Variants in STK3 observed in about 807,000 individuals in gnomAD.
The protein encoded by STK3 is serine/threonine-protein kinase 3.
A neutral mutation model predicts 58.0 loss-of-function variants in STK3; 41 were observed. The observed-to-expected ratio is 0.71, with a 90% confidence interval of 0.55 to 0.92. The LOEUF (loss-of-function observed/expected upper bound fraction) is 0.92. Among genes scored for constraint, STK3 ranks in the 40% least tolerant of loss-of-function variants. The pLI is 0.00. For missense variants in STK3, 479 were observed against 602.7 expected (o/e 0.79, Z 2.15); for synonymous variants, 170 against 191.0 (o/e 0.89, Z 0.91).
chr8:98,515,208 A>G (rs569882754), intron 10 of STK3, among the ~76,000 whole-genome samples: 2 of 152,210 alleles, frequency 1.3e-5, no homozygotes, highest in East Asian at 3.9e-4. Context: ...AACAAGTTTG[A>G]TAAGAGTTTT....
intron 7 of STK3, chr8:98,594,786 C>T (rs543531691): frequency 2.0e-5 from 3 of 152,216 alleles, no homozygotes; most frequent in South Asian, 4.1e-4. Context: ...TAACCCAAAT[C>T]GCAAAAGTCT....
At chr8:98,607,919 C>T (rs979913774) in intron 6 of STK3, among the ~76,000 whole-genome samples, 2 of 152,084 alleles carry the variant, frequency 1.3e-5, no homozygotes, top group African/African-American at 4.8e-5. Context: ...AGAAACTTTT[C>T]TGATTTTTCC....
At chr8:98,693,197 G>A (rs1824539107) in intron 6 of STK3, among the ~76,000 whole-genome samples, 1 of 152,046 alleles carries the variant, frequency 6.6e-6, no homozygotes, top group Admixed American at 6.6e-5. Context: ...AGGAGTTCGA[G>A]ACCAGACTGG....
chr8:98,917,824 A>G (rs1332911609), intron 1 of STK3, among the ~76,000 whole-genome samples: 1 of 152,178 alleles, frequency 6.6e-6, no homozygotes, highest in Non-Finnish European at 1.5e-5. Context: ...AACACCAAGA[A>G]CTGAGCTCAA....
intron 1 of STK3, among the ~76,000 whole-genome samples, chr8:98,806,944 G>A (rs1292921846): frequency 2.0e-5 from 3 of 152,078 alleles, no homozygotes; most frequent in Admixed American, 2.0e-4. Context: ...CACAAGGTCA[G>A]GAGATCGAAA....
At chr8:98,666,626 C>T (rs538455934) in intron 6 of STK3, among the ~76,000 whole-genome samples, 1 of 152,218 alleles carries the variant, frequency 6.6e-6, no homozygotes, top group African/African-American at 2.4e-5. Flanking sequence ...TTGGAGAACA[C>T]AGGAATAAAT....
chr8:98,515,918 T>C (rs369768584), intron 10 of STK3, among the ~76,000 whole-genome samples: 22 of 152,190 alleles, frequency 1.4e-4, no homozygotes, highest in Middle Eastern at 3.4e-3. Flanking sequence ...ATCTCCTGCA[T>C]TGTCAGGAAA....
Position 98,548,003 on chromosome 8 carries a change from A to G in STK3, c.1107T>C (p.Ser369=), listed in dbSNP as rs975181670. 4 of 1,603,628 alleles carry G rather than the reference A, an allele frequency of 2.5e-6. No individual in the cohort carries two copies. The highest frequency in any genetic ancestry group is 1.7e-4 in the Middle Eastern group (1 of 6,028). ...TTCCATCTTCTTCTTCCTCATCCTC[A>G]CTGTTTATCACCATGGTCCCCAAGT... ...ESDLGTMVIN[S]EDEEEEDGTM... Residue 369 remains serine (S), a synonymous_variant, in exon 9 of 11, where the codon AGT becomes AGC. Coordinates refer to ENST00000419617, the MANE Select transcript of STK3 (RefSeq NM_006281.4).
chr8:98,400,290 G>A (rs764567054), downstream of STK3, among the ~76,000 whole-genome samples: 1 of 152,180 alleles, frequency 6.6e-6, no homozygotes, highest in African/African-American at 2.4e-5. Flanking sequence ...CGTGAGCCCT[G>A]GACTCATTTA....
At chr8:98,613,068 A>G (rs1232007721) in intron 6 of STK3, among the ~76,000 whole-genome samples, 1 of 152,156 alleles carries the variant, frequency 6.6e-6, no homozygotes, top group Non-Finnish European at 1.5e-5. Flanking sequence ...GCACCAATAC[A>G]ATAGAGACTA....
chr8:98,379,377 G>A (rs895346306), intron 1 of STK3, among the ~76,000 whole-genome samples: 2 of 152,200 alleles, frequency 1.3e-5, no homozygotes, highest in Non-Finnish European at 2.9e-5. Flanking sequence ...TTATTAGCAC[G>A]TTTCTTTTCA....
chr8:98,867,353 C>T (rs1174407952), intron 3 of STK3, among the ~76,000 whole-genome samples: 2 of 152,192 alleles, frequency 1.3e-5, no homozygotes, highest in African/African-American at 4.8e-5. Flanking sequence ...GGCGGAGGTT[C>T]CAGTGAGCCG....
At chr8:98,923,828 C>CGTGTGTGTGTGTGTGT (rs55929161) in intron 1 of STK3, among the ~76,000 whole-genome samples, 149 of 144,344 alleles carry the variant, frequency 1.0e-3, no homozygotes, top group African/African-American at 3.6e-3. Flanking sequence ...TTTGCAAAAA[C>CGTGTGTGTGTGTGTGT]GTGTGTGTGT....
At chr8:98,814,043 C>T (rs561782754) in intron 1 of STK3, among the ~76,000 whole-genome samples, 7 of 152,192 alleles carry the variant, frequency 4.6e-5, no homozygotes, top group Admixed American at 3.9e-4. Context: ...GCAACTGAAT[C>T]TTTAATTGAT....
chr8:98,878,167 C>A (rs1837629837), intron 3 of STK3, among the ~76,000 whole-genome samples: 1 of 151,870 alleles, frequency 6.6e-6, no homozygotes, highest in East Asian at 1.9e-4. Context: ...ATTCTCGTGC[C>A]TCAGCCTCCT....
intron 3 of STK3, among the ~76,000 whole-genome samples, chr8:98,850,283 C>T (rs1836403661): frequency 6.6e-6 from 1 of 152,150 alleles, no homozygotes; most frequent in Admixed American, 6.5e-5. Context: ...AAGCAATCCT[C>T]CCTCCTCAGC....
At chr8:98,347,073 A>G in the STK3 span, among the ~76,000 whole-genome samples, 1 of 151,958 alleles carries the variant, frequency 6.6e-6, no homozygotes, top group Non-Finnish European at 1.5e-5. Context: ...ATTTTATACT[A>G]TACATAAAAA....
intron 1 of STK3, among the ~76,000 whole-genome samples, chr8:98,793,113 G>A (rs941970400): frequency 5.9e-5 from 9 of 152,252 alleles, no homozygotes; most frequent in African/African-American, 2.2e-4. Flanking sequence ...ACTGATATGT[G>A]GGAGCTAAGC....
intron 10 of STK3, among the ~76,000 whole-genome samples, chr8:98,514,269 C>T (rs1051001795): frequency 1.3e-5 from 2 of 152,014 alleles, no homozygotes; most frequent in African/African-American, 4.8e-5. Flanking sequence ...CAGACTTTTA[C>T]TAAATGAAAG....
Sources: gnomAD v4.1 joint callset for allele counts (sites outside exome capture counted in the v4.1 genomes callset) on GRCh38, gnomAD v4.1.1 for gene constraint, MANE v1.5 for transcripts, NCBI Gene and HGNC (gene_info 2026-07-23, HGNC 2026-07-21) for gene names.